The following ANAPC1 variants were observed in gnomAD, a reference collection of about 807,000 sequenced individuals.
ANAPC1 encodes anaphase promoting complex subunit 1, also known as anaphase-promoting complex subunit 1.
ANAPC1 carries 36 observed loss-of-function variants against 208.0 expected under a neutral mutation model. That is an observed-to-expected ratio of 0.17 (90% CI 0.13 to 0.23). The LOEUF is 0.23. Among genes scored for constraint, ANAPC1 ranks in the 10% least tolerant of loss-of-function variants. The probability of loss-of-function intolerance (pLI) is 1.00; values close to 1 mark genes in which losing one functional copy is unlikely to be tolerated. For synonymous variants in ANAPC1, 378 were observed against 695.2 expected (o/e 0.54, Z 7.18); for missense variants, 942 against 2,011.6 (o/e 0.47, Z 10.17).
intron 10 of ANAPC1, among the ~76,000 whole-genome samples, chr2:111,861,421 G>A (rs1035221588): frequency 1.3e-5 from 2 of 152,160 alleles, no homozygotes; most frequent in African/African-American, 4.8e-5. Context: ...AAAAACCAGA[G>A]TGGAAGTACT....
At chr2:111,843,847 G>T in intron 16 of ANAPC1, among the ~76,000 whole-genome samples, 1 of 48,988 alleles carries the variant, frequency 2.0e-5, no homozygotes, top group Non-Finnish European at 4.5e-5. Context: ...TTTTTTGAGA[G>T]GGTGTCTCGC....
intron 28 of ANAPC1, among the ~76,000 whole-genome samples, chr2:111,810,302 TG>T (rs1040653452): frequency 6.3e-4 from 50 of 79,134 alleles, no homozygotes; most frequent in South Asian, 2.4e-3. Flanking sequence ...GAAGTGAAGG[TG>T]GGGGGGGGTG....
chr2:111,782,845 T>C (rs1397787035), intron 42 of ANAPC1, among the ~76,000 whole-genome samples: 2 of 152,174 alleles, frequency 1.3e-5, no homozygotes, highest in African/African-American at 4.8e-5. Context: ...AGGTACTAAA[T>C]ATCTATTAAT....
intron 2 of ANAPC1, 109 bp from the exon 3 acceptor site, chr2:111,879,080 T>G: frequency 1.1e-6 from 1 of 875,930 alleles, no homozygotes. Context: ...CAAACACAAC[T>G]CCTACAAAGT....
intron 7 of ANAPC1, among the ~76,000 whole-genome samples, chr2:111,865,376 C>T (rs1558735923): frequency 6.6e-6 from 1 of 152,032 alleles, no homozygotes; most frequent in East Asian, 1.9e-4. Flanking sequence ...CAGACAGTGC[C>T]GAACAGTACA....
intron 46 of ANAPC1, among the ~76,000 whole-genome samples, chr2:111,775,087 G>A (rs1392469282): frequency 1.3e-5 from 2 of 152,120 alleles, no homozygotes; most frequent in East Asian, 3.9e-4. Flanking sequence ...ACAACATGGT[G>A]AAACCCCGTC....
At chr2:111,820,064 T>C (rs1298543402) in intron 26 of ANAPC1, among the ~76,000 whole-genome samples, 1 of 152,202 alleles carries the variant, frequency 6.6e-6, no homozygotes, top group Non-Finnish European at 1.5e-5. Flanking sequence ...ACTGATAAGA[T>C]GTATCATTAT....
At chr2:111,872,085 T>A (rs1478367899) in intron 6 of ANAPC1, among the ~76,000 whole-genome samples, 1 of 152,226 alleles carries the variant, frequency 6.6e-6, no homozygotes, top group Non-Finnish European at 1.5e-5. Flanking sequence ...TCAGGGGGAA[T>A]GCTTTCAACT....
At chr2:111,878,281 G>C (rs192182855) in intron 3 of ANAPC1, among the ~76,000 whole-genome samples, 17 of 152,302 alleles carry the variant, frequency 1.1e-4, no homozygotes, top group African/African-American at 4.1e-4. Flanking sequence ...CTAAGTACAA[G>C]TTTTCCTTCA....
intron 13 of ANAPC1, among the ~76,000 whole-genome samples, chr2:111,856,130 G>C (rs1305209671): frequency 6.6e-6 from 1 of 152,204 alleles, no homozygotes; most frequent in African/African-American, 2.4e-5. Flanking sequence ...AGCTACTCGG[G>C]AGGCTGAGGC....
chr2:111,766,618 G>C (rs1215049551), downstream of ANAPC1: 1 of 251,044 alleles, frequency 4.0e-6, no homozygotes. Context: ...ATGAGGATGG[G>C]AGACCACAGA....
chr2:111,883,750 G>A (rs1251018155), intron 1 of ANAPC1, among the ~76,000 whole-genome samples, 192 bp downstream of exon 1: 1 of 152,206 alleles, frequency 6.6e-6, no homozygotes, highest in Non-Finnish European at 1.5e-5. Flanking sequence ...GCCGGAAGGA[G>A]CACCCCAGCC....
At chr2:111,793,545 C>T (rs1337372050) in intron 37 of ANAPC1, among the ~76,000 whole-genome samples, 5 of 151,058 alleles carry the variant, frequency 3.3e-5, no homozygotes, top group African/African-American at 7.3e-5. Context: ...TCTTGTATAA[C>T]GTGATTTTGG....
intron 6 of ANAPC1, among the ~76,000 whole-genome samples, chr2:111,868,871 C>A (rs866270451): frequency 6.6e-6 from 1 of 151,858 alleles, no homozygotes; most frequent in Non-Finnish European, 1.5e-5. Flanking sequence ...TTTTTTAGAG[C>A]GAAGACGGGC....
chr2:111,813,338 G>A (rs527824641), intron 28 of ANAPC1, among the ~76,000 whole-genome samples: 4 of 150,990 alleles, frequency 2.6e-5, no homozygotes, highest in Admixed American at 2.0e-4. Flanking sequence ...CTGAAAGCCC[G>A]ACTCCTCTGA....
Position 111,873,600 on chromosome 2 carries a change from AAAAG to A in ANAPC1, c.427+9_427+12del, listed in dbSNP as rs1417431343. On this transcript the variant is annotated intron_variant, in intron 4 of 47. Transcript: ENST00000341068. ...TCATCATAAGAAAAATAAAATTTCA[AAAAG>A]AAACTTACTGTAGGCCTTTTCAGAC... The A allele has an allele frequency of 6.4e-7, 1 of 1,558,460 alleles. No homozygotes were observed. The highest frequency in any genetic ancestry group is 8.6e-7 in the Non-Finnish European group (1 of 1,161,656).
chr2:111,815,093 C>T (rs1218175761), intron 28 of ANAPC1, among the ~76,000 whole-genome samples: 2 of 145,450 alleles, frequency 1.4e-5, no homozygotes, highest in African/African-American at 2.5e-5. Context: ...GGTCCCCTCT[C>T]GCTGTTGAGA....
rs145797115 is a variant in ANAPC1, at chr2:111,853,206, A to G, written c.1516-2296T>C. Among the ~76,000 whole-genome samples, 761 of 152,004 alleles carry G rather than the reference A, an allele frequency of 5.0e-3. 7 individuals carry two copies. The highest frequency in any genetic ancestry group is 0.017 in the African/African-American group (721 of 41,450). On this transcript the variant is annotated intron_variant, in intron 13 of 47. Coordinates refer to ENST00000341068, the MANE Select transcript of ANAPC1 (RefSeq NM_022662.4). ...TGTTTGCATAATATATCTTCTTTCC[A>G]TCCTTTAACTTACCCATGTCATTAT...
Position 111,836,623 on chromosome 2 carries a change from G to C in ANAPC1, c.2116-1751C>G, listed in dbSNP as rs1266427393. On this transcript the variant is annotated intron_variant, in intron 18 of 47. Coordinates refer to ENST00000341068, the MANE Select transcript of ANAPC1 (RefSeq NM_022662.4). ...GATAGCATCACTGCAGTCCAGCGTA[G>C]GCAACAGAGTGACACCCTGTCTCTT... Among the ~76,000 whole-genome samples the C allele has an allele frequency of 8.6e-5, 13 of 151,304 alleles. No individual in the cohort carries two copies. In the East Asian group the frequency reaches 2.6e-3, roughly 30 times the overall value.
Sources: gnomAD v4.1 joint callset for allele counts (sites outside exome capture counted in the v4.1 genomes callset) on GRCh38, gnomAD v4.1.1 for gene constraint, MANE v1.5 for transcripts, NCBI Gene and HGNC (gene_info 2026-07-23, HGNC 2026-07-21) for gene names.